RGS22: variants seen among roughly 807,000 people sequenced by gnomAD.
RGS22 encodes regulator of G protein signaling 22.
Under a neutral mutation model 172.9 loss-of-function variants are expected in RGS22, and 148 were observed. That is an observed-to-expected ratio of 0.86 (90% confidence interval 0.75 to 0.98). The LOEUF is 0.98. RGS22 is among the 50% of genes least tolerant of loss of function. RGS22 has a pLI of 0.00. For synonymous variants in RGS22, 458 were observed against 480.2 expected (o/e 0.95, Z 0.60); for missense variants, 1,347 against 1,440.8 (o/e 0.93, Z 1.05).
intron 14 of RGS22, among the ~76,000 whole-genome samples, chr8:100,030,645 T>C (rs1818692436): frequency 6.6e-6 from 1 of 152,124 alleles, no homozygotes; most frequent in Admixed American, 6.5e-5. Flanking sequence ...CAGAAAACAA[T>C]AAAACAGTAT....
chr8:100,052,504 T>A (rs1821773319), intron 10 of RGS22, among the ~76,000 whole-genome samples: 1 of 151,696 alleles, frequency 6.6e-6, no homozygotes, highest in Non-Finnish European at 1.5e-5. Flanking sequence ...GGTTTCACCG[T>A]GTTAGCCAGG....
intron 2 of RGS22, among the ~76,000 whole-genome samples, chr8:100,103,759 G>GC (rs1813687495): frequency 1.3e-5 from 2 of 152,134 alleles, no homozygotes; most frequent in Non-Finnish European, 1.5e-5. Context: ...CAGAAAGGGG[G>GC]AATAATAATG....
At chr8:99,978,701 T>C (rs1418692094) in intron 22 of RGS22, among the ~76,000 whole-genome samples, 1 of 152,202 alleles carries the variant, frequency 6.6e-6, no homozygotes, top group African/African-American at 2.4e-5. Context: ...ATTGTGATAT[T>C]TATAGAGATA....
intron 9 of RGS22, among the ~76,000 whole-genome samples, chr8:100,053,920 C>T (rs1315290502): frequency 6.6e-6 from 1 of 152,208 alleles, no homozygotes; most frequent in African/African-American, 2.4e-5. Context: ...AGGCGTGAGC[C>T]ACTGCGCCTG....
rs28758904 is a variant in RGS22, at chr8:99,987,409, G to T, written c.3180+49C>A. 14 of 1,384,874 alleles carry T rather than the reference G, an allele frequency of 1.0e-5. No homozygotes were observed. The East Asian group carries it at 3.0e-4, about 30-fold the overall frequency. The allele number at this position is 1,384,874 out of a possible 1,614,324, so 85.8% of individuals were successfully genotyped here. A position where few individuals can be genotyped will look rare whatever the true frequency, so the allele number is the denominator to read the frequency against. On this transcript the variant is annotated intron_variant, in intron 21 of 27. Coordinates refer to ENST00000360863, the MANE Select transcript of RGS22 (RefSeq NM_015668.5). ...TTAGTTAAAAATCTGACATTTTAAT[G>T]CATTTCCTCCTCAAAACAGGTGGTT...
chr8:100,022,776 C>G (rs984337254), intron 14 of RGS22, among the ~76,000 whole-genome samples: 1 of 151,874 alleles, frequency 6.6e-6, no homozygotes. Context: ...AATAGGGTCT[C>G]ACTATGTTAC....
chr8:100,089,211 A>AAC (rs58302018), intron 3 of RGS22, among the ~76,000 whole-genome samples: 6,320 of 144,558 alleles, frequency 0.044, 357 homozygotes, highest in African/African-American at 0.13. Flanking sequence ...CACACACACA[A>AAC]ACACACACAC....
chr8:99,993,643 A>C lies in RGS22; in HGVS notation c.3018+2819T>G, dbSNP rs994792073. Among the ~76,000 whole-genome samples the C allele has an allele frequency of 1.1e-4, 17 of 152,208 alleles. 1 individual carries two copies. On this transcript the variant is annotated intron_variant, in intron 20 of 27. Coordinates refer to ENST00000360863, the MANE Select transcript of RGS22 (RefSeq NM_015668.5). ...AATTAATAGCCTACCAACCAAAAAA[A>C]GTCCAGGACAAGATGGATTCACAGC...
chr8:100,093,912 G>A (rs1305150638), intron 2 of RGS22, among the ~76,000 whole-genome samples: 2 of 152,260 alleles, frequency 1.3e-5, no homozygotes, highest in African/African-American at 4.8e-5. Context: ...AAGAAGCAGT[G>A]TTTGGAGCCC....
chr8:100,017,445 G>C (rs61575096), intron 14 of RGS22, among the ~76,000 whole-genome samples: 1 of 152,126 alleles, frequency 6.6e-6, no homozygotes, highest in African/African-American at 2.4e-5. Flanking sequence ...GTGGTTAAGA[G>C]AGTAAGGATG....
At chr8:99,997,135 C>A (rs1368544790) in intron 19 of RGS22, among the ~76,000 whole-genome samples, 2 of 152,132 alleles carry the variant, frequency 1.3e-5, no homozygotes, top group Admixed American at 6.6e-5. Context: ...GCTGTCCTGG[C>A]CTACATCTTT....
Position 100,066,241 on chromosome 8 carries a change from G to T in RGS22, c.650C>A (p.Thr217Lys). The T allele has an allele frequency of 4.3e-6, 7 of 1,613,128 alleles. No individual in the cohort carries two copies. The highest frequency in any genetic ancestry group is 5.9e-6 in the Non-Finnish European group (7 of 1,179,248). The change falls in exon 7 of 28, where the codon ACA becomes AAA. Residue 217 changes from threonine (T) to lysine (K), a missense_variant. Transcript: ENST00000360863. Reference sequence around the variant, plus strand: ...ACAGGGTAACGAAAAGGTTGATACTGTTTGCTGACTTTGTTTTGCTAATGC... The same window carrying T: ...ACAGGGTAACGAAAAGGTTGATACTTTTTGCTGACTTTGTTTTGCTAATGC... Reference protein sequence around the residue: ...WFALAKQSQQTVSTFSLPCCV... With the variant: ...WFALAKQSQQKVSTFSLPCCV...
chr8:99,965,447 T>C lies in RGS22; in HGVS notation c.3520-17A>G, dbSNP rs767648104. The C allele has an allele frequency of 2.0e-6, 3 of 1,504,796 alleles. No homozygotes were observed. The highest frequency in any genetic ancestry group is 3.5e-5 in the Admixed American group (2 of 56,612). The allele number at this position is 1,504,796 out of a possible 1,614,324, so 93.2% of individuals were successfully genotyped here. On this transcript the variant is annotated splice_polypyrimidine_tract_variant and intron_variant, in intron 23 of 27. Transcript: ENST00000360863. ...GATTCCATCCTGTAATTATATTAAA[T>C]TAAATTATTACCCAGAAAAGATAAT...
At chr8:100,069,140 C>A (rs1430067538) in intron 6 of RGS22, among the ~76,000 whole-genome samples, 1 of 151,896 alleles carries the variant, frequency 6.6e-6, no homozygotes, top group Non-Finnish European at 1.5e-5. Flanking sequence ...GTTCAAGTAA[C>A]CTTAGCCTAT....
intron 12 of RGS22, among the ~76,000 whole-genome samples, chr8:100,041,488 T>TG (rs1438199582): frequency 6.0e-5 from 5 of 83,118 alleles, no homozygotes; most frequent in Admixed American, 4.0e-4. Context: ...AGACTCTATC[T>TG]CAAAAAAAAA....
At chr8:100,104,666 T>G (rs944922467) in intron 2 of RGS22, among the ~76,000 whole-genome samples, 1 of 152,124 alleles carries the variant, frequency 6.6e-6, no homozygotes, top group African/African-American at 2.4e-5. Context: ...TGTTTGTTGA[T>G]TGAAAGCCAA....
chr8:100,090,560 C>T (rs3133720), intron 3 of RGS22, among the ~76,000 whole-genome samples: 24,458 of 152,054 alleles, frequency 0.16, 2,596 homozygotes, highest in African/African-American at 0.3. Context: ...AGTTCAAATA[C>T]TTGAAAACTA....
intron 23 of RGS22, among the ~76,000 whole-genome samples, chr8:99,977,260 C>T (rs1400396739): frequency 1.3e-5 from 2 of 150,410 alleles, no homozygotes; most frequent in African/African-American, 2.4e-5. Flanking sequence ...CAAGCTGCCA[C>T]GCCCGGTTAA....
chr8:100,052,126 T>C (rs1191869483), intron 10 of RGS22, among the ~76,000 whole-genome samples: 1 of 85,538 alleles, frequency 1.2e-5, no homozygotes, highest in African/African-American at 4.6e-5. Context: ...TATATTTATA[T>C]ATAAATATAT....
Sources: allele counts gnomAD v4.1 joint callset (sites outside exome capture counted in the v4.1 genomes callset), GRCh38; gene constraint gnomAD v4.1.1; transcripts MANE v1.5; gene names NCBI Gene and HGNC (gene_info 2026-07-23, HGNC 2026-07-21).